The following CCDC148 variants were observed in gnomAD, a reference collection of about 807,000 sequenced individuals.
CCDC148 encodes coiled-coil domain containing 148, also known as coiled-coil domain-containing protein 148.
In CCDC148, 89 loss-of-function variants were observed where a neutral mutation model predicts 85.7. The ratio of observed to expected loss-of-function variants is 1.04; its 90% CI spans 0.87 to 1.24. The LOEUF (loss-of-function observed/expected upper bound fraction) is 1.24, where lower values mean the gene tolerates loss of function less well. CCDC148 is among the 50% of genes most tolerant of loss of function. The pLI is 0.00. For missense variants in CCDC148, 692 were observed against 671.7 expected, an observed-to-expected ratio of 1.03 and a Z score of -0.33; for synonymous variants, 230 against 213.9, an observed-to-expected ratio of 1.08 and a Z score of -0.66.
In CCDC148 at chr2:158,229,691, C is replaced by A. The variant is rs181515793; in HGVS notation, c.1252-8978G>T. Among the ~76,000 whole-genome samples, 665 of 152,272 alleles carry A rather than the reference C, an allele frequency of 4.4e-3. 4 individuals are homozygous for A. The highest frequency in any genetic ancestry group is 6.6e-3 in the Non-Finnish European group (448 of 68,018). ...CTCCTGTTCAAGACTAATGCCTCACCTGGGCTGCAGATCCCATTCCCAATT... is the reference window on the plus strand; with the variant it reads ...CTCCTGTTCAAGACTAATGCCTCACATGGGCTGCAGATCCCATTCCCAATT... On this transcript the variant is annotated intron_variant, in intron 10 of 13. Transcript: ENST00000283233.
At chr2:158,323,783 T>C (rs1311112243) in intron 7 of CCDC148, among the ~76,000 whole-genome samples, 1 of 152,164 alleles carries the variant, frequency 6.6e-6, no homozygotes, top group Non-Finnish European at 1.5e-5. Context: ...TCAGATCATG[T>C]AATAGGTACT....
intron 10 of CCDC148, among the ~76,000 whole-genome samples, chr2:158,241,976 G>A (rs1302975808): frequency 1.3e-5 from 2 of 152,128 alleles, no homozygotes; most frequent in East Asian, 3.9e-4. Context: ...GTTGATGATT[G>A]CCACTTAGAA....
In CCDC148 at chr2:158,214,807, A is replaced by C. The variant is rs115957291; in HGVS notation, c.1370+5788T>G. Among the ~76,000 whole-genome samples the C allele has an allele frequency of 6.3e-3, 961 of 152,296 alleles. 13 individuals are homozygous for C. Among genetic ancestry groups the C allele is most frequent in the African/African-American group, 0.022 (923 of 41,574 alleles). ...TTTCTGTCCTCCCCAGAAAAAAAAA[A>C]AGATGAACTTTTCTAAAGGATCTAG... On this transcript the variant is annotated intron_variant, in intron 11 of 13. Transcript: ENST00000283233.
chr2:158,430,078 G>T (rs887419513), intron 1 of CCDC148, among the ~76,000 whole-genome samples: 2 of 152,180 alleles, frequency 1.3e-5, no homozygotes, highest in Non-Finnish European at 2.9e-5. Context: ...GTGCGGAGAC[G>T]AAAGTAGTAC....
At position 158,260,726 on chromosome 2, in the gene CCDC148, C is replaced by T. The variant is rs76355284; in HGVS notation, c.1111-9814G>A. ...AGCATTCTTATACACCAACTACAGCCAAGCTGAGAGCCAAAACACGAATGC... is the reference window on the plus strand; with the variant it reads ...AGCATTCTTATACACCAACTACAGCTAAGCTGAGAGCCAAAACACGAATGC... On this transcript the variant is annotated intron_variant, in intron 9 of 13. Coordinates refer to ENST00000283233, the MANE Select transcript of CCDC148 (RefSeq NM_138803.4). Among the ~76,000 whole-genome samples, 229 of 152,082 alleles carry T rather than the reference C, an allele frequency of 1.5e-3. 6 individuals are homozygous for T. The East Asian group carries it at 0.04, about 27-fold the overall frequency.
intron 7 of CCDC148, among the ~76,000 whole-genome samples, chr2:158,321,488 T>A (rs1044957310): frequency 3.9e-5 from 6 of 152,192 alleles, no homozygotes; most frequent in African/African-American, 1.4e-4. Flanking sequence ...GTGCAGAACC[T>A]GAGACTGGAC....
In CCDC148 at chr2:158,176,592, C is replaced by T. The variant is rs748026703; in HGVS notation, c.1558G>A (p.Gly520Ser). Residue 520 changes from glycine (G) to serine (S), a missense_variant, in exon 13 of 14, where the codon GGC becomes AGC. Gly to Ser is a moderately conservative substitution (Grantham distance 56). Transcript: ENST00000283233. ...ATAAATTCTTCTTCAATTTCAATGC[C>T]CATTCTAGCTTTTGATGCCATTGTA... Reference protein sequence around the residue: ...SDTMASKARMGIEIEEEFILQ... With the variant: ...SDTMASKARMSIEIEEEFILQ... 9 of 1,611,914 alleles carry T rather than the reference C, an allele frequency of 5.6e-6. No homozygotes were observed. The highest frequency in any genetic ancestry group is 2.2e-5 in the East Asian group (1 of 44,586).
chr2:158,295,080 G>A (rs1353346107), intron 9 of CCDC148, among the ~76,000 whole-genome samples: 2 of 152,038 alleles, frequency 1.3e-5, no homozygotes, highest in Admixed American at 1.3e-4. Flanking sequence ...TTGAATTTCT[G>A]CTCTTTTAAA....
chr2:158,436,309 T>G (rs942100021), intron 1 of CCDC148, among the ~76,000 whole-genome samples: 2 of 152,004 alleles, frequency 1.3e-5, no homozygotes, highest in African/African-American at 4.8e-5. Flanking sequence ...AACTAGAACT[T>G]AGGATTAAGA....
At chr2:158,207,734 G>A (rs1008480552) in intron 11 of CCDC148, 1 of 152,196 alleles carries the variant, frequency 6.6e-6, no homozygotes, top group Admixed American at 6.5e-5. Flanking sequence ...TTATGGAATT[G>A]TATGCCAGGG....
chr2:158,268,141 C>T (rs1689551784), intron 9 of CCDC148, among the ~76,000 whole-genome samples: 1 of 152,136 alleles, frequency 6.6e-6, no homozygotes, highest in South Asian at 2.1e-4. Flanking sequence ...ACATGTTTAA[C>T]TTTATAAAAA....
intron 9 of CCDC148, among the ~76,000 whole-genome samples, chr2:158,305,321 G>A (rs1691633421): frequency 6.6e-6 from 1 of 152,210 alleles, no homozygotes; most frequent in African/African-American, 2.4e-5. Context: ...CAGGATTGTT[G>A]AGTAAGCCCT....
At chr2:158,399,128 T>C (rs1215820787) in intron 1 of CCDC148, among the ~76,000 whole-genome samples, 3 of 152,094 alleles carry the variant, frequency 2.0e-5, no homozygotes, top group Non-Finnish European at 2.9e-5. Flanking sequence ...ATTGAGGCAA[T>C]AGTTAATAGC....
intron 7 of CCDC148, among the ~76,000 whole-genome samples, chr2:158,337,171 T>C (rs545741003): frequency 1.4e-4 from 22 of 152,320 alleles, no homozygotes; most frequent in African/African-American, 5.1e-4. Flanking sequence ...AAAGCCATTT[T>C]AGACTGCTAA....
At chr2:158,401,446 G>C (rs184246314) in intron 1 of CCDC148, among the ~76,000 whole-genome samples, 1 of 152,028 alleles carries the variant, frequency 6.6e-6, no homozygotes. Flanking sequence ...AAAATATCAC[G>C]AAGACAGAAA....
chr2:158,188,454 G>A (rs1270422574), intron 11 of CCDC148, among the ~76,000 whole-genome samples: 1 of 151,244 alleles, frequency 6.6e-6, no homozygotes, highest in African/African-American at 2.4e-5. Flanking sequence ...CTTTCCAGCA[G>A]TAATTAGATA....
At chr2:158,224,256 T>A (rs1688699993) in intron 10 of CCDC148, among the ~76,000 whole-genome samples, 1 of 152,032 alleles carries the variant, frequency 6.6e-6, no homozygotes, top group East Asian at 1.9e-4. Flanking sequence ...AGAAGAGAAG[T>A]TTAGAGACAA....
chr2:158,309,609 G>T lies in CCDC148; in HGVS notation c.934C>A (p.Arg312Ser). 2 of 1,613,024 alleles carry T rather than the reference G, an allele frequency of 1.2e-6. No individual in the cohort carries two copies. Among genetic ancestry groups the T allele is most frequent in the South Asian group, 2.2e-5 (2 of 90,998 alleles). The stretch of plus-strand genomic sequence containing the variant: ...ATATTTTGCTGCTCTATAGCAAAGC[G>T]ATATTGGTCACAATATTTCTCGTGT... ...VEHEKYCDQY[R>S]FAIEQQNILI... Residue 312 changes from arginine to serine, a missense_variant, in exon 9 of 14, where the codon CGC becomes AGC. Arg to Ser is a moderately radical substitution (Grantham distance 110). Transcript: ENST00000283233.
chr2:158,226,583 T>C (rs150365287), intron 10 of CCDC148, among the ~76,000 whole-genome samples: 2 of 152,018 alleles, frequency 1.3e-5, no homozygotes, highest in Non-Finnish European at 2.9e-5. Flanking sequence ...TGAATCCAGC[T>C]GCACATCAAA....
Sources: allele counts gnomAD v4.1 joint callset (sites outside exome capture counted in the v4.1 genomes callset), GRCh38; gene constraint gnomAD v4.1.1; transcripts MANE v1.5; gene names NCBI Gene and HGNC (gene_info 2026-07-23, HGNC 2026-07-21).